Variants in ATP2B2 observed in about 807,000 individuals in gnomAD.
ATP2B2 encodes the protein plasma membrane calcium-transporting ATPase 2.
Under a neutral mutation model 120.0 loss-of-function variants are expected in ATP2B2, and 15 were observed. The observed-to-expected ratio is 0.12, with a 90% CI of 0.08 to 0.19. The LOEUF (loss-of-function observed/expected upper bound fraction) is 0.19, where lower values mean the gene tolerates loss of function less well. ATP2B2 is among the 10% of genes least tolerant of loss of function. The pLI is 1.00. For synonymous variants in ATP2B2, 694 were observed against 700.3 expected (o/e 0.99, Z 0.14); for missense variants, 1,045 against 1,719.8 (o/e 0.61, Z 6.94).
intron 1 of ATP2B2, among the ~76,000 whole-genome samples, chr3:10,674,733 G>A (rs1010300035): frequency 6.6e-6 from 1 of 152,062 alleles, no homozygotes; most frequent in East Asian, 1.9e-4. Context: ...CTTTGTTCTT[G>A]AGCCATTTGA....
At chr3:10,683,431 A>G (rs1374991721) in intron 1 of ATP2B2, among the ~76,000 whole-genome samples, 1 of 152,030 alleles carries the variant, frequency 6.6e-6, no homozygotes, top group Non-Finnish European at 1.5e-5. Flanking sequence ...TGCTGAATTC[A>G]TGGTACTACT....
intron 2 of ATP2B2, among the ~76,000 whole-genome samples, chr3:10,614,723 G>C (rs1559487627): frequency 1.3e-5 from 2 of 152,140 alleles, no homozygotes; most frequent in African/African-American, 2.4e-5. Flanking sequence ...GGTTCTATGA[G>C]AGGCAGGATG....
chr3:10,447,202 A>G (rs2063866309), intron 2 of ATP2B2, among the ~76,000 whole-genome samples: 1 of 152,142 alleles, frequency 6.6e-6, no homozygotes, highest in African/African-American at 2.4e-5. Context: ...TCAGGGTTTT[A>G]CCGGGTCCTC....
intron 1 of ATP2B2, among the ~76,000 whole-genome samples, chr3:10,498,417 G>A (rs1575414446): frequency 6.6e-6 from 1 of 152,224 alleles, no homozygotes; most frequent in Non-Finnish European, 1.5e-5. Context: ...AGCACCCTCT[G>A]CTCCGGATGA....
intron 8 of ATP2B2, among the ~76,000 whole-genome samples, chr3:10,383,868 C>G (rs1248582034): frequency 2.0e-5 from 3 of 152,180 alleles, no homozygotes; most frequent in Admixed American, 2.0e-4. Context: ...CTGAGACTGG[C>G]CAGCCTGGAT....
chr3:10,495,077 T>G (rs2066089940), intron 1 of ATP2B2, among the ~76,000 whole-genome samples: 1 of 152,202 alleles, frequency 6.6e-6, no homozygotes, highest in Non-Finnish European at 1.5e-5. Flanking sequence ...GGAGGCAGGA[T>G]AAAGACCAAG....
At chr3:10,469,640 T>C (rs1159644420) in intron 1 of ATP2B2, among the ~76,000 whole-genome samples, 1 of 152,170 alleles carries the variant, frequency 6.6e-6, no homozygotes, top group Non-Finnish European at 1.5e-5. Flanking sequence ...CTGTATCAGA[T>C]AGCAGTGCAA....
chr3:10,512,370 A>C (rs1041999096), intron 3 of ATP2B2, among the ~76,000 whole-genome samples: 2 of 152,022 alleles, frequency 1.3e-5, no homozygotes, highest in Non-Finnish European at 2.9e-5. Flanking sequence ...TGGTCATCCC[A>C]GGGGCCTGCA....
chr3:10,623,921 T>C (rs370318138), intron 1 of ATP2B2, among the ~76,000 whole-genome samples: 1 of 152,200 alleles, frequency 6.6e-6, no homozygotes, highest in African/African-American at 2.4e-5. Context: ...CTCTACTCCC[T>C]GTGAGATGTT....
intron 1 of ATP2B2, among the ~76,000 whole-genome samples, chr3:10,643,509 AC>A (rs529824937): frequency 1.5e-4 from 23 of 152,268 alleles, no homozygotes; most frequent in African/African-American, 5.5e-4. Flanking sequence ...ATTAAATGAC[AC>A]CTTGTCCGGA....
intron 2 of ATP2B2, among the ~76,000 whole-genome samples, chr3:10,546,365 G>A (rs1416281162): frequency 6.6e-6 from 1 of 152,186 alleles, no homozygotes. Context: ...TGATGCCTGT[G>A]TGTCCCCCTC....
At chr3:10,672,129 G>A (rs1052304588) in intron 1 of ATP2B2, among the ~76,000 whole-genome samples, 5 of 152,218 alleles carry the variant, frequency 3.3e-5, no homozygotes, top group Admixed American at 1.3e-4. Context: ...GCGATCATTG[G>A]AGATAATACG....
intron 1 of ATP2B2, among the ~76,000 whole-genome samples, chr3:10,671,590 G>A (rs2071098346): frequency 6.6e-6 from 1 of 152,142 alleles, no homozygotes; most frequent in African/African-American, 2.4e-5. Flanking sequence ...CCCAGGTGAT[G>A]CCAATACTGC....
intron 11 of ATP2B2, among the ~76,000 whole-genome samples, chr3:10,374,531 C>A (rs1278058646): frequency 6.6e-6 from 1 of 152,218 alleles, no homozygotes; most frequent in Non-Finnish European, 1.5e-5. Context: ...ATAAACATGG[C>A]CACGCCTCCA....
chr3:10,552,379 G>C (rs1470502560), intron 2 of ATP2B2, among the ~76,000 whole-genome samples: 1 of 152,270 alleles, frequency 6.6e-6, no homozygotes, highest in Non-Finnish European at 1.5e-5. Context: ...CAACCTTAGA[G>C]AAGGTGGCAG....
chr3:10,410,537 T>G (rs1362967519), intron 3 of ATP2B2, 81 bp downstream of exon 3: 10 of 1,463,740 alleles, frequency 6.8e-6, no homozygotes, highest in Non-Finnish European at 9.2e-6. Flanking sequence ...GAGGATTATT[T>G]GTGTGAGCCG....
chr3:10,412,340 G>C (rs1243543681), intron 2 of ATP2B2, among the ~76,000 whole-genome samples: 1 of 152,182 alleles, frequency 6.6e-6, no homozygotes, highest in Admixed American at 6.5e-5. Flanking sequence ...CAGGAGGTGC[G>C]TGGCTCTGGT....
chr3:10,333,683 TACAGGCTGGATTCTGTC>T (rs2060041601), intron 22 of ATP2B2, among the ~76,000 whole-genome samples: 1 of 152,150 alleles, frequency 6.6e-6, no homozygotes, highest in African/African-American at 2.4e-5. Context: ...CACCCAGAAT[TACAGGCTGGATTCTGTC>T]ACAGAGGGGG....
chr3:10,557,224 G>A (rs1185012577), intron 2 of ATP2B2, among the ~76,000 whole-genome samples: 2 of 152,222 alleles, frequency 1.3e-5, no homozygotes, highest in Non-Finnish European at 2.9e-5. Context: ...ACAGTTCCAG[G>A]GGCCCAGAAA....
Sources: allele counts gnomAD v4.1 joint callset (sites outside exome capture counted in the v4.1 genomes callset), GRCh38; gene constraint gnomAD v4.1.1; transcripts MANE v1.5; gene names NCBI Gene and HGNC (gene_info 2026-07-23, HGNC 2026-07-21).